LRIF1: variants seen among roughly 807,000 people sequenced by gnomAD.
The protein encoded by LRIF1 is ligand-dependent nuclear receptor-interacting factor 1.
A neutral mutation model predicts 52.7 loss-of-function variants in LRIF1; 32 were observed. The ratio of observed to expected loss-of-function variants is 0.61; its 90% CI spans 0.46 to 0.82. The LOEUF is 0.82. LRIF1 is among the 40% of genes least tolerant of loss of function. The pLI, the probability that LRIF1 is intolerant of heterozygous loss-of-function variation, is 0.00. For missense variants in LRIF1, 887 were observed against 892.0 expected (o/e 0.99, Z 0.07); for synonymous variants, 323 against 317.4 (o/e 1.02, Z -0.19).
At chr1:110,950,578 G>A (rs1031224255) in intron 2 of LRIF1, among the ~76,000 whole-genome samples, 4 of 151,974 alleles carry the variant, frequency 2.6e-5, no homozygotes, top group Non-Finnish European at 5.9e-5. Context: ...AGACCTCTAA[G>A]TAAGCAAGGA....
At chr1:110,886,911 T>C in the LRIF1 span, among the ~76,000 whole-genome samples, 2 of 147,252 alleles carry the variant, frequency 1.4e-5, no homozygotes, top group Non-Finnish European at 3.0e-5. Flanking sequence ...TATTTTCTCT[T>C]GCCGTCTTCA....
chr1:110,941,118 A>C, the LRIF1 span: 1 of 152,064 alleles, frequency 6.6e-6, no homozygotes, highest in South Asian at 2.1e-4. Flanking sequence ...CTATGTACTC[A>C]CAAAAATTAA....
chr1:110,928,485 A>G, the LRIF1 span, among the ~76,000 whole-genome samples: 1 of 152,362 alleles, frequency 6.6e-6, no homozygotes, highest in Non-Finnish European at 1.5e-5. Flanking sequence ...GTAATTCATC[A>G]GTGAACAAAA....
chr1:110,924,134 A>T, the LRIF1 span, among the ~76,000 whole-genome samples: 2 of 152,148 alleles, frequency 1.3e-5, no homozygotes, highest in Non-Finnish European at 2.9e-5. Flanking sequence ...GTTGAACTGG[A>T]AAAATTCCTA....
the LRIF1 span, among the ~76,000 whole-genome samples, chr1:110,919,481 T>C: frequency 5.2e-3 from 785 of 152,302 alleles, 11 homozygotes; most frequent in African/African-American, 0.018. Context: ...AGACAGCCTA[T>C]TGTGGGAACT....
At chr1:110,917,614 T>C in the LRIF1 span, among the ~76,000 whole-genome samples, 1 of 150,370 alleles carries the variant, frequency 6.7e-6, no homozygotes, top group East Asian at 2.0e-4. Context: ...ATCCCTGCCC[T>C]TAAGGAGCTT....
At chr1:110,920,953 G>T in the LRIF1 span, among the ~76,000 whole-genome samples, 90 of 152,216 alleles carry the variant, frequency 5.9e-4, no homozygotes, top group African/African-American at 2.0e-3. Context: ...AATTCTAAAA[G>T]ATATACTTCA....
At chr1:110,923,117 T>C in the LRIF1 span, among the ~76,000 whole-genome samples, 1 of 152,072 alleles carries the variant, frequency 6.6e-6, no homozygotes, top group Admixed American at 6.6e-5. Flanking sequence ...CCAGCTAACA[T>C]GGTGAAACCC....
Position 110,952,552 on chromosome 1 carries a change from G to T in LRIF1, c.332C>A (p.Thr111Lys). 1 of 1,613,980 alleles carries T rather than the reference G, an allele frequency of 6.2e-7. No individual in the cohort carries two copies. The highest frequency in any genetic ancestry group is 8.5e-7 in the Non-Finnish European group (1 of 1,179,878). Reference sequence around the variant, plus strand: ...TCTACCTTTTTCTGATGTATCTACTGTTCTTGTAAGAAAATAGTTTGAAGA... The same window carrying T: ...TCTACCTTTTTCTGATGTATCTACTTTTCTTGTAAGAAAATAGTTTGAAGA... ...ASSSNYFLTR[T>K]VDTSEKGRVT... The change falls in exon 2 of 4, where the codon ACA becomes AAA. Residue 111 changes from threonine to lysine, a missense_variant. Thr to Lys is a moderately conservative substitution (Grantham distance 78). Transcript: ENST00000369763.
At chr1:110,961,832 T>C (rs1658962628) in intron 1 of LRIF1, among the ~76,000 whole-genome samples, 1 of 152,112 alleles carries the variant, frequency 6.6e-6, no homozygotes, top group Admixed American at 6.5e-5. Flanking sequence ...TGGAATCAAA[T>C]ACGCAACCAT....
At chr1:110,878,391 C>T in the LRIF1 span, among the ~76,000 whole-genome samples, 19 of 151,752 alleles carry the variant, frequency 1.3e-4, no homozygotes, top group Non-Finnish European at 1.5e-5. Flanking sequence ...CCGTAATTAC[C>T]TTGCGAATGC....
At chr1:110,922,941 C>G in the LRIF1 span, among the ~76,000 whole-genome samples, 1 of 152,188 alleles carries the variant, frequency 6.6e-6, no homozygotes, top group East Asian at 1.9e-4. Flanking sequence ...ATAGTCAAAG[C>G]TCTCCTTCTC....
the LRIF1 span, among the ~76,000 whole-genome samples, chr1:110,888,150 T>G: frequency 3.3e-5 from 5 of 152,180 alleles, no homozygotes; most frequent in South Asian, 8.3e-4. Context: ...TAAGAAGAAA[T>G]GTAGCCTAGC....
At chr1:110,896,070 T>A in the LRIF1 span, among the ~76,000 whole-genome samples, 1 of 152,104 alleles carries the variant, frequency 6.6e-6, no homozygotes, top group African/African-American at 2.4e-5. Context: ...TCTCTCTATT[T>A]ATCTTTTAAT....
the LRIF1 span, among the ~76,000 whole-genome samples, chr1:110,916,808 C>T: frequency 3.3e-5 from 5 of 151,532 alleles, no homozygotes; most frequent in Admixed American, 3.3e-4. Context: ...AGGCAAACAG[C>T]ATTTATAGAA....
At chr1:110,938,027 G>C in the LRIF1 span, 1 of 151,948 alleles carries the variant, frequency 6.6e-6, no homozygotes, top group Admixed American at 6.6e-5. Context: ...TCCAAAATCT[G>C]AAAAGACCAA....
chr1:110,952,365 A>C lies in LRIF1; in HGVS notation c.519T>G (p.Thr173=). ...IVVNTQSLPV[T]VKSPVLPSGH... ...CAGAAGGCAAAACTGGAGACTTCAC[A>C]GTCACTGGAAGACTCTGGGTATTAA... Residue 173 remains threonine, a synonymous_variant, in exon 2 of 4, where the codon ACT becomes ACG. Transcript: ENST00000369763. 6.2e-7 allele frequency: 1 copy of C among 1,614,108 alleles called. No individual in the cohort carries two copies. The highest frequency in any genetic ancestry group is 1.7e-5 in the Admixed American group (1 of 60,018).
the LRIF1 span, among the ~76,000 whole-genome samples, chr1:110,901,153 TTTTTTTGTTTG>T: frequency 6.6e-6 from 1 of 151,960 alleles, no homozygotes; most frequent in African/African-American, 2.4e-5. Flanking sequence ...TCTCTCTGTT[TTTTTTTGTTTG>T]TTTTTTGTTT....
the LRIF1 span, chr1:110,897,873 T>C: frequency 1.3e-5 from 21 of 1,608,536 alleles, no homozygotes; most frequent in Non-Finnish European, 1.4e-5. Context: ...ATCATCACCA[T>C]CTGTGTATGT....
Sources: gnomAD v4.1 joint callset for allele counts (sites outside exome capture counted in the v4.1 genomes callset) on GRCh38, gnomAD v4.1.1 for gene constraint, MANE v1.5 for transcripts, NCBI Gene and HGNC (gene_info 2026-07-23, HGNC 2026-07-21) for gene names.